The following DOCK2 variants were observed in gnomAD, a reference collection of about 807,000 sequenced individuals.
DOCK2 encodes the protein dedicator of cytokinesis 2, also known as dedicator of cytokinesis protein 2.
In DOCK2, 87 loss-of-function variants were observed where a neutral mutation model predicts 248.9. The observed-to-expected ratio is 0.35, with a 90% CI of 0.29 to 0.42. The LOEUF (loss-of-function observed/expected upper bound fraction) is 0.42. DOCK2 is among the 10% of genes least tolerant of loss of function. The pLI is 1.00. For synonymous variants in DOCK2, 805 were observed against 821.6 expected, an observed-to-expected ratio of 0.98 and a Z score of 0.35; for missense variants, 1,747 against 2,300.2, an observed-to-expected ratio of 0.76 and a Z score of 4.92.
chr5:169,998,159 A>G (rs1217174181), intron 30 of DOCK2: 2 of 404,660 alleles, frequency 4.9e-6, no homozygotes, highest in Non-Finnish European at 9.7e-6. Context: ...GTCTCTTCAT[A>G]GCACTAAATA....
At chr5:169,874,176 G>A (rs915272747) in intron 27 of DOCK2, among the ~76,000 whole-genome samples, 1 of 152,146 alleles carries the variant, frequency 6.6e-6, no homozygotes, top group African/African-American at 2.4e-5. Flanking sequence ...ACTTTGGGAG[G>A]CCAAGGTCAG....
chr5:170,078,659 C>T (rs139154547), intron 48 of DOCK2, among the ~76,000 whole-genome samples: 1 of 152,206 alleles, frequency 6.6e-6, no homozygotes, highest in Non-Finnish European at 1.5e-5. Context: ...AAGAACTGGC[C>T]GTGCCTGGAT....
chr5:169,789,044 C>T (rs967978608), intron 25 of DOCK2, among the ~76,000 whole-genome samples: 3 of 152,126 alleles, frequency 2.0e-5, no homozygotes, highest in African/African-American at 7.2e-5. Flanking sequence ...TCTGAGTGTC[C>T]ATGTGTTCTC....
intron 3 of DOCK2, 135 bp from the exon 4 acceptor site, chr5:169,670,407 T>C: frequency 4.0e-6 from 4 of 1,010,994 alleles, no homozygotes; most frequent in Non-Finnish European, 5.6e-6. Flanking sequence ...TGGCTCTGGG[T>C]TTATTCCTTT....
At chr5:169,821,622 A>G (rs945662065) in intron 26 of DOCK2, among the ~76,000 whole-genome samples, 1 of 152,234 alleles carries the variant, frequency 6.6e-6, no homozygotes, top group Non-Finnish European at 1.5e-5. Context: ...TGAAGTAAGC[A>G]CTAAACATGG....
At chr5:169,732,774 C>T (rs4867884) in intron 22 of DOCK2, among the ~76,000 whole-genome samples, 6,791 of 152,242 alleles carry the variant, frequency 0.045, 471 homozygotes, top group African/African-American at 0.14. Context: ...TTGCTTTCTC[C>T]AGTGGTCTTG....
intron 32 of DOCK2, 22 bp from the exon 33 acceptor site, chr5:170,018,938 T>A: frequency 6.2e-7 from 1 of 1,613,122 alleles, no homozygotes; most frequent in Non-Finnish European, 8.5e-7. Context: ...TTTTATGTGT[T>A]CATGTTCCTC....
chr5:169,768,426 A>G (rs1764911155), intron 25 of DOCK2, among the ~76,000 whole-genome samples: 1 of 152,176 alleles, frequency 6.6e-6, no homozygotes, highest in Non-Finnish European at 1.5e-5. Flanking sequence ...TGGTGTATTG[A>G]CTTGGTAATT....
chr5:170,072,195 A>G (rs1757700159), intron 46 of DOCK2, among the ~76,000 whole-genome samples: 2 of 152,188 alleles, frequency 1.3e-5, no homozygotes, highest in Admixed American at 1.3e-4. Flanking sequence ...TTTCATAGGT[A>G]CTGCCAATCT....
rs1296432889 is a variant in DOCK2, at chr5:170,057,132, G to A, written c.4380+364G>A. 8 of 347,020 alleles carry A rather than the reference G, an allele frequency of 2.3e-5. No homozygotes were observed. The Admixed American group carries it at 3.6e-4, about 16-fold the overall frequency. 21.5% of individuals were successfully genotyped at this position (347,020 alleles called of 1,614,324 possible). A position where few individuals can be genotyped will look rare whatever the true frequency, so the allele number is the denominator to read the frequency against. ...AGCAATGTAGTCATCACTGTCCCCT[G>A]AGTGCTAGTCTCCTCTGTGTGTGTC... On this transcript the variant is annotated intron_variant, in intron 43 of 51. Coordinates refer to ENST00000520908, the MANE Select transcript of DOCK2 (RefSeq NM_004946.3).
chr5:169,938,412 A>G (rs1217235289), intron 27 of DOCK2, among the ~76,000 whole-genome samples: 1 of 152,222 alleles, frequency 6.6e-6, no homozygotes, highest in Non-Finnish European at 1.5e-5. Context: ...TACCTAGGCT[A>G]TAAGGTAGAG....
chr5:170,008,033 A>C lies in DOCK2; in HGVS notation c.3073-464A>C, dbSNP rs544345398. Among the ~76,000 whole-genome samples, 10 of 152,280 alleles carry C rather than the reference A, an allele frequency of 6.6e-5. 1 individual carries two copies. The South Asian group carries it at 1.9e-3, about 28-fold the overall frequency. On this transcript the variant is annotated intron_variant, in intron 30 of 51. Coordinates refer to ENST00000520908, the MANE Select transcript of DOCK2 (RefSeq NM_004946.3). ...GAATGGATTGCAGTTTGGTCCTCCA[A>C]GCTGTCAGGTGAATTAGGGAGGACT...
intron 27 of DOCK2, among the ~76,000 whole-genome samples, chr5:169,925,448 T>G (rs1775388731): frequency 6.6e-6 from 1 of 151,884 alleles, no homozygotes; most frequent in African/African-American, 2.4e-5. Context: ...AGCGTGGTGT[T>G]GTGCACCTGT....
chr5:169,760,840 A>G (rs557850250), intron 24 of DOCK2, among the ~76,000 whole-genome samples: 27 of 152,276 alleles, frequency 1.8e-4, no homozygotes, highest in African/African-American at 5.8e-4. Flanking sequence ...CATATTAAGT[A>G]GATGTTTAAT....
chr5:169,830,232 A>C (rs1248992813), intron 26 of DOCK2, among the ~76,000 whole-genome samples: 1 of 152,256 alleles, frequency 6.6e-6, no homozygotes, highest in Non-Finnish European at 1.5e-5. Context: ...TAGCAGATCT[A>C]TAAGGTTATT....
chr5:169,907,606 G>A (rs1774355825), intron 27 of DOCK2, among the ~76,000 whole-genome samples: 1 of 152,126 alleles, frequency 6.6e-6, no homozygotes, highest in Non-Finnish European at 1.5e-5. Context: ...CAGTATGTTG[G>A]AAAGTTCAAT....
chr5:170,070,140 C>G (rs1461913803), intron 46 of DOCK2, among the ~76,000 whole-genome samples: 1 of 152,254 alleles, frequency 6.6e-6, no homozygotes, highest in Non-Finnish European at 1.5e-5. Flanking sequence ...GCAAACCACC[C>G]ATCAGAACAC....
At chr5:170,063,794 A>G (rs544030427) in intron 44 of DOCK2, among the ~76,000 whole-genome samples, 17 of 152,188 alleles carry the variant, frequency 1.1e-4, no homozygotes, top group Admixed American at 5.9e-4. Context: ...TGGATATACA[A>G]TGGGTCCAAT....
intron 1 of DOCK2, among the ~76,000 whole-genome samples, chr5:169,644,704 A>C (rs1050645965): frequency 2.0e-5 from 3 of 151,260 alleles, no homozygotes; most frequent in Non-Finnish European, 4.4e-5. Flanking sequence ...TACATGTGCC[A>C]TGGTGGTTTG....
Sources: allele counts gnomAD v4.1 joint callset (sites outside exome capture counted in the v4.1 genomes callset), GRCh38; gene constraint gnomAD v4.1.1; transcripts MANE v1.5; gene names NCBI Gene and HGNC (gene_info 2026-07-23, HGNC 2026-07-21).